The following MAGI1 variants were observed in gnomAD, a reference collection of about 807,000 sequenced individuals.
MAGI1 encodes the protein membrane associated guanylate kinase, WW and PDZ domain containing 1.
Under a neutral mutation model 139.9 loss-of-function variants are expected in MAGI1, and 58 were observed. The ratio of observed to expected loss-of-function variants is 0.41; its 90% CI spans 0.34 to 0.52. MAGI1 has a LOEUF of 0.52. Among genes scored for constraint, MAGI1 ranks in the 20% least tolerant of loss-of-function variants. The pLI, the probability that MAGI1 is intolerant of heterozygous loss-of-function variation, is 0.12. For missense variants in MAGI1, 1,874 were observed against 1,901.6 expected (o/e 0.99, Z 0.27); for synonymous variants, 812 against 737.9 (o/e 1.10, Z -1.63).
At chr3:65,954,728 T>C (rs1263513156) in intron 1 of MAGI1, among the ~76,000 whole-genome samples, 1 of 152,082 alleles carries the variant, frequency 6.6e-6, no homozygotes, top group Non-Finnish European at 1.5e-5. Flanking sequence ...TGGAGGAATC[T>C]TAAGTCAAGT....
At chr3:66,025,151 C>T (rs896369415) in intron 1 of MAGI1, among the ~76,000 whole-genome samples, 15 of 152,174 alleles carry the variant, frequency 9.9e-5, no homozygotes, top group Non-Finnish European at 1.8e-4. Context: ...AAATGTTCAA[C>T]CTTAAAGTAG....
At chr3:65,451,459 T>C (rs941225924) in intron 6 of MAGI1, among the ~76,000 whole-genome samples, 5 of 152,230 alleles carry the variant, frequency 3.3e-5, no homozygotes, top group Non-Finnish European at 7.3e-5. Flanking sequence ...GTAGTCATTA[T>C]CCAAAATGGT....
intron 1 of MAGI1, among the ~76,000 whole-genome samples, chr3:65,642,722 A>G (rs914088025): frequency 5.3e-5 from 8 of 152,330 alleles, no homozygotes; most frequent in African/African-American, 1.2e-4. Context: ...AAGATTCTGG[A>G]AAGAGAAAAT....
chr3:66,022,097 G>T (rs971315294), intron 1 of MAGI1, among the ~76,000 whole-genome samples: 4 of 152,000 alleles, frequency 2.6e-5, no homozygotes, highest in Non-Finnish European at 4.4e-5. Context: ...AAACCCCATG[G>T]ATAAGCTCCT....
intron 1 of MAGI1, among the ~76,000 whole-genome samples, chr3:65,802,856 G>A (rs1280220257): frequency 6.8e-6 from 1 of 146,926 alleles, no homozygotes; most frequent in Non-Finnish European, 1.5e-5. Context: ...ATCTGTGTGT[G>A]TGTGTGTGTG....
At chr3:65,548,550 T>G (rs1279010652) in intron 2 of MAGI1, among the ~76,000 whole-genome samples, 2 of 116,526 alleles carry the variant, frequency 1.7e-5, no homozygotes, top group East Asian at 2.7e-4. Flanking sequence ...TGAGACGGAG[T>G]CTCTCCCTCT....
chr3:66,000,178 G>A (rs576730830), intron 1 of MAGI1, among the ~76,000 whole-genome samples: 3 of 151,914 alleles, frequency 2.0e-5, no homozygotes, highest in African/African-American at 7.2e-5. Context: ...GGGTTTCACC[G>A]TGTTAGCCAG....
intron 2 of MAGI1, among the ~76,000 whole-genome samples, chr3:65,572,781 A>G (rs1242584425): frequency 6.6e-6 from 1 of 151,958 alleles, no homozygotes; most frequent in Non-Finnish European, 1.5e-5. Flanking sequence ...AAAGGCCCAT[A>G]GCAGGTCCAG....
At chr3:65,484,632 T>C (rs748293512) in intron 3 of MAGI1, among the ~76,000 whole-genome samples, 18 of 152,152 alleles carry the variant, frequency 1.2e-4, no homozygotes, top group Non-Finnish European at 2.2e-4. Flanking sequence ...CTTGTCCTGA[T>C]TGCCTTCACC....
intron 2 of MAGI1, among the ~76,000 whole-genome samples, chr3:65,507,169 T>C (rs1384971297): frequency 1.1e-4 from 16 of 152,220 alleles, no homozygotes; most frequent in Admixed American, 9.8e-4. Flanking sequence ...CTTCATAGTA[T>C]TGAAGAAAAC....
At chr3:65,486,372 G>A (rs545443423) in intron 3 of MAGI1, among the ~76,000 whole-genome samples, 2 of 152,148 alleles carry the variant, frequency 1.3e-5, no homozygotes, top group Non-Finnish European at 2.9e-5. Flanking sequence ...AGCCATGTCT[G>A]GATCCCCACC....
chr3:65,764,877 C>T (rs187611895), intron 1 of MAGI1, among the ~76,000 whole-genome samples: 1 of 152,260 alleles, frequency 6.6e-6, no homozygotes, highest in East Asian at 1.9e-4. Flanking sequence ...AAAACAGAAC[C>T]GCTTGTTTTG....
chr3:65,459,036 CA>C (rs1254731960), intron 5 of MAGI1, among the ~76,000 whole-genome samples: 3 of 152,124 alleles, frequency 2.0e-5, no homozygotes, highest in Non-Finnish European at 4.4e-5. Context: ...CCAGTTTTCC[CA>C]ACACCATTTA....
intron 13 of MAGI1, among the ~76,000 whole-genome samples, chr3:65,400,750 ATTTTTTTTTTTTTTTTTTTT>A (rs767598706): frequency 3.0e-4 from 18 of 60,602 alleles, no homozygotes; most frequent in South Asian, 5.4e-4. Context: ...CAAAACATTG[ATTTTTTTTTTTTTTTTTTTT>A]TTTTTTTTTT....
chr3:65,546,324 T>C (rs929133453), intron 2 of MAGI1, among the ~76,000 whole-genome samples: 2 of 152,168 alleles, frequency 1.3e-5, no homozygotes, highest in Admixed American at 6.5e-5. Context: ...ATATAAACAA[T>C]ACGTCATTAT....
At chr3:65,505,929 A>C (rs1399603193) in intron 2 of MAGI1, among the ~76,000 whole-genome samples, 3 of 152,166 alleles carry the variant, frequency 2.0e-5, no homozygotes, top group African/African-American at 7.2e-5. Flanking sequence ...GCATTGTTAC[A>C]TTTCCATAAA....
At chr3:65,501,615 A>T (rs2077086287) in intron 2 of MAGI1, among the ~76,000 whole-genome samples, 1 of 152,164 alleles carries the variant, frequency 6.6e-6, no homozygotes, top group South Asian at 2.1e-4. Context: ...AAGAATACAA[A>T]ATGGTACAAC....
At chr3:65,688,551 T>G (rs886941715) in intron 1 of MAGI1, 2 of 367,338 alleles carry the variant, frequency 5.4e-6, no homozygotes, top group African/African-American at 2.1e-5. Context: ...CTGTGCTTTA[T>G]ATGGTGACAG....
intron 1 of MAGI1, among the ~76,000 whole-genome samples, chr3:65,891,271 A>G (rs2060735265): frequency 6.6e-6 from 1 of 152,126 alleles, no homozygotes; most frequent in African/African-American, 2.4e-5. Flanking sequence ...AACTATTCTA[A>G]TGGGTTTGTA....
Sources: gnomAD v4.1 joint callset for allele counts (sites outside exome capture counted in the v4.1 genomes callset) on GRCh38, gnomAD v4.1.1 for gene constraint, MANE v1.5 for transcripts, NCBI Gene and HGNC (gene_info 2026-07-23, HGNC 2026-07-21) for gene names.